Variants in GRIK1 observed in about 807,000 individuals in gnomAD.
The protein encoded by GRIK1 is glutamate ionotropic receptor kainate type subunit 1, also known as glutamate receptor ionotropic, kainate 1.
Under a neutral mutation model 105.7 loss-of-function variants are expected in GRIK1, and 69 were observed. The ratio of observed to expected loss-of-function variants is 0.65; its 90% CI spans 0.54 to 0.80. The LOEUF is 0.80. Among genes scored for constraint, GRIK1 ranks in the 30% least tolerant of loss-of-function variants. The pLI, the probability that GRIK1 is intolerant of heterozygous loss-of-function variation, is 0.00. For synonymous variants in GRIK1, 438 were observed against 431.3 expected (o/e 1.02, Z -0.19); for missense variants, 1,109 against 1,167.3 (o/e 0.95, Z 0.73).
intron 7 of GRIK1, among the ~76,000 whole-genome samples, chr21:29,615,559 T>C (rs2061831113): frequency 1.3e-5 from 2 of 152,302 alleles, no homozygotes; most frequent in Non-Finnish European, 2.9e-5. Context: ...TCCACCTGCT[T>C]TGGCCTCCCA....
chr21:29,582,287 T>A lies in GRIK1; in HGVS notation c.1794-744A>T, dbSNP rs576730201. On this transcript the variant is annotated intron_variant, in intron 12 of 17. Coordinates refer to ENST00000327783, the MANE Select transcript of GRIK1 (RefSeq NM_001330994.2). ...GAATTTCAAATTCATAATTTCCTTT[T>A]GATTTGTTTTAAATTTGTTTTCAGA... 6.4e-6 allele frequency: 3 copies of A among 465,222 alleles called. No individual in the cohort carries two copies. The East Asian group carries it at 2.1e-4, about 32-fold the overall frequency. The allele number at this position is 465,222 out of a possible 1,614,324, so 28.8% of individuals were successfully genotyped here.
At chr21:29,759,491 C>T (rs2065453144) in intron 1 of GRIK1, among the ~76,000 whole-genome samples, 1 of 152,148 alleles carries the variant, frequency 6.6e-6, no homozygotes, top group Non-Finnish European at 1.5e-5. Flanking sequence ...ATATGAAACA[C>T]CTGGTGAATA....
chr21:29,659,854 C>T (rs1028970759), intron 4 of GRIK1, among the ~76,000 whole-genome samples: 1 of 151,922 alleles, frequency 6.6e-6, no homozygotes, highest in Non-Finnish European at 1.5e-5. Context: ...CCCAGCTACT[C>T]GGGAGGCTGA....
At chr21:29,555,390 A>G (rs1461953114) in intron 15 of GRIK1, 88 bp from the exon 16 acceptor site, 10 of 1,250,614 alleles carry the variant, frequency 8.0e-6, no homozygotes, top group African/African-American at 4.5e-5. Context: ...TGTCATAACT[A>G]TGTTACGGCT....
chr21:29,758,842 C>T (rs2065426398), intron 1 of GRIK1: 1 of 152,760 alleles, frequency 6.5e-6, no homozygotes, highest in Admixed American at 6.5e-5. Context: ...TTCTTCAGGC[C>T]TGTCTCAGAG....
Position 29,863,921 on chromosome 21 carries a change from G to A in GRIK1, c.118+75462C>T, listed in dbSNP as rs186664773. On this transcript the variant is annotated intron_variant, in intron 1 of 17. Coordinates refer to ENST00000327783, the MANE Select transcript of GRIK1 (RefSeq NM_001330994.2). ...AGCACATTAAATAATTTATTAGTTCGGTTTTTTCCCTTGGAGTCCTCATGT... is the reference window on the plus strand; with the variant it reads ...AGCACATTAAATAATTTATTAGTTCAGTTTTTTCCCTTGGAGTCCTCATGT... Among the ~76,000 whole-genome samples, 83 of 151,972 alleles carry A rather than the reference G, an allele frequency of 5.5e-4. 2 individuals are homozygous for A. The East Asian group carries it at 0.015, about 27-fold the overall frequency.
At chr21:29,670,199 C>A (rs986223841) in intron 4 of GRIK1, among the ~76,000 whole-genome samples, 1 of 152,152 alleles carries the variant, frequency 6.6e-6, no homozygotes, top group Non-Finnish European at 1.5e-5. Context: ...GATAAGCCAT[C>A]TCTTTAGTGT....
chr21:29,817,450 T>C (rs1291801041), intron 1 of GRIK1, among the ~76,000 whole-genome samples: 1 of 152,130 alleles, frequency 6.6e-6, no homozygotes, highest in Non-Finnish European at 1.5e-5. Context: ...TTATTGTTCC[T>C]AACCATTCAC....
intron 15 of GRIK1, among the ~76,000 whole-genome samples, chr21:29,560,508 C>CCTTTCT (rs1568815256): frequency 4.1e-4 from 10 of 24,314 alleles, no homozygotes; most frequent in Admixed American, 1.2e-3. Flanking sequence ...TCCTTCCTTC[C>CCTTTCT]TTCCTTCCTT....
intron 1 of GRIK1, among the ~76,000 whole-genome samples, chr21:29,798,077 C>G (rs1029183482): frequency 1.3e-5 from 2 of 152,172 alleles, no homozygotes; most frequent in Non-Finnish European, 2.9e-5. Context: ...GGCATCTACT[C>G]AACATGATGA....
intron 1 of GRIK1, among the ~76,000 whole-genome samples, chr21:29,824,639 G>T (rs879415009): frequency 6.6e-6 from 1 of 151,994 alleles, no homozygotes; most frequent in Non-Finnish European, 1.5e-5. Flanking sequence ...ATGTGGTCAG[G>T]TTAAAAGAAC....
At chr21:29,727,309 T>C (rs764848952) in intron 1 of GRIK1, among the ~76,000 whole-genome samples, 3 of 152,160 alleles carry the variant, frequency 2.0e-5, no homozygotes, top group Non-Finnish European at 4.4e-5. Flanking sequence ...CAATGAGAAA[T>C]TTGGAGTGTT....
At chr21:29,843,668 C>A (rs1372567890) in intron 1 of GRIK1, among the ~76,000 whole-genome samples, 2 of 152,118 alleles carry the variant, frequency 1.3e-5, no homozygotes, top group Non-Finnish European at 2.9e-5. Flanking sequence ...AGAGAGAAAA[C>A]TCCATTTCTA....
At chr21:29,879,659 T>C (rs975722664) in intron 1 of GRIK1, among the ~76,000 whole-genome samples, 6 of 152,164 alleles carry the variant, frequency 3.9e-5, no homozygotes, top group Non-Finnish European at 7.4e-5. Flanking sequence ...TTTTCCCCTA[T>C]AGTTAAAACT....
chr21:29,823,260 A>G (rs2067355316), intron 1 of GRIK1, among the ~76,000 whole-genome samples: 1 of 151,992 alleles, frequency 6.6e-6, no homozygotes, highest in Non-Finnish European at 1.5e-5. Context: ...ATATGCATGT[A>G]TATATACATA....
At chr21:29,834,744 G>A (rs1196871807) in intron 1 of GRIK1, among the ~76,000 whole-genome samples, 1 of 150,038 alleles carries the variant, frequency 6.7e-6, no homozygotes, top group African/African-American at 2.5e-5. Flanking sequence ...CACATTTCTG[G>A]CATTAGTATT....
intron 7 of GRIK1, among the ~76,000 whole-genome samples, chr21:29,611,651 G>A (rs1487762683): frequency 6.6e-6 from 1 of 152,038 alleles, no homozygotes; most frequent in Non-Finnish European, 1.5e-5. Flanking sequence ...AAGTTAGTAA[G>A]ATGTACCCAG....
chr21:29,884,135 A>G (rs1043187443), intron 1 of GRIK1, among the ~76,000 whole-genome samples: 5 of 152,006 alleles, frequency 3.3e-5, no homozygotes, highest in Non-Finnish European at 7.4e-5. Context: ...ACCTGCCCAT[A>G]TCACTGTTCG....
intron 1 of GRIK1, among the ~76,000 whole-genome samples, chr21:29,775,641 A>G (rs2065925015): frequency 6.6e-6 from 1 of 152,182 alleles, no homozygotes; most frequent in East Asian, 1.9e-4. Context: ...ACTCTGCTCC[A>G]TGGTGAGCCC....
Sources: allele counts gnomAD v4.1 joint callset (sites outside exome capture counted in the v4.1 genomes callset), GRCh38; gene constraint gnomAD v4.1.1; transcripts MANE v1.5; gene names NCBI Gene and HGNC (gene_info 2026-07-23, HGNC 2026-07-21).